The following RASSF5 variants were observed in gnomAD, a reference collection of about 807,000 sequenced individuals.
RASSF5 encodes the protein Ras association domain family member 5.
A neutral mutation model predicts 40.5 loss-of-function variants in RASSF5; 25 were observed. The ratio of observed to expected loss-of-function variants is 0.62; its 90% CI spans 0.45 to 0.86. The LOEUF (loss-of-function observed/expected upper bound fraction) is 0.86. Ranked by LOEUF, RASSF5 falls within the 40% of genes least tolerant of loss-of-function variation. The pLI, the probability that RASSF5 is intolerant of heterozygous loss-of-function variation, is 0.00. For missense variants in RASSF5, 521 were observed against 572.8 expected (o/e 0.91, Z 0.92); for synonymous variants, 246 against 252.4 (o/e 0.97, Z 0.24).
chr1:206,529,601 C>A, intron 1 of RASSF5: 2 of 775,182 alleles, frequency 2.6e-6, no homozygotes, highest in Non-Finnish European at 4.7e-6. Context: ...GATACAATGA[C>A]ATCCACTGTC....
chr1:206,574,138 C>G (rs959084908), intron 2 of RASSF5, among the ~76,000 whole-genome samples: 13 of 152,250 alleles, frequency 8.5e-5, no homozygotes, highest in African/African-American at 2.7e-4. Flanking sequence ...ATAACCCACT[C>G]TAGCTGAGCT....
chr1:206,578,189 G>A (rs1435065057), intron 2 of RASSF5, among the ~76,000 whole-genome samples: 10 of 151,592 alleles, frequency 6.6e-5, no homozygotes, highest in African/African-American at 2.4e-4. Flanking sequence ...TTGCACCAGT[G>A]CACTCTCGAC....
At position 206,577,551 on chromosome 1, in the gene RASSF5, A is replaced by T. The variant is rs560335691; in HGVS notation, c.580-5718A>T. On this transcript the variant is annotated intron_variant, in intron 2 of 5. Transcript: ENST00000579436. ...GAGATTATCTGACTTTCTCAAGATC[A>T]TGTAGTTAGTCATGGGAGTCAGAAG... is the stretch of plus-strand genomic sequence containing the variant. Among the ~76,000 whole-genome samples, 195 of 152,344 alleles carry T rather than the reference A, an allele frequency of 1.3e-3. 1 individual carries two copies. The highest frequency in any genetic ancestry group is 4.5e-3 in the African/African-American group (187 of 41,582).
At chr1:206,518,137 G>A (rs1317244930) in intron 1 of RASSF5, among the ~76,000 whole-genome samples, 2 of 152,184 alleles carry the variant, frequency 1.3e-5, no homozygotes, top group Non-Finnish European at 2.9e-5. Context: ...AGCCTGTTTG[G>A]TGGGGGCATT....
At position 206,538,649 on chromosome 1, in the gene RASSF5, G is replaced by A. The variant is rs187424148; in HGVS notation, c.579+356G>A. ...GGACAGTGGGGATGCTGGGGCTGAG[G>A]CATCTCAAGCACATTGTCCAGCCAG... is the stretch of plus-strand genomic sequence containing the variant. On this transcript the variant is annotated intron_variant, in intron 2 of 5. Coordinates refer to ENST00000579436, the MANE Select transcript of RASSF5 (RefSeq NM_182663.4). Among the ~76,000 whole-genome samples, 1,006 of 152,330 alleles carry A rather than the reference G, an allele frequency of 6.6e-3. 35 individuals are homozygous for A. Among genetic ancestry groups the A allele is most frequent in the Admixed American group, 0.061 (933 of 15,302 alleles).
intron 5 of RASSF5, 142 bp from the exon 6 acceptor site, chr1:206,586,684 T>G: frequency 1.4e-6 from 1 of 693,606 alleles, no homozygotes; most frequent in South Asian, 1.8e-5. Flanking sequence ...GCTTCGCTGA[T>G]TCAGTCTGTT....
chr1:206,539,069 A>T (rs529713811), intron 2 of RASSF5, among the ~76,000 whole-genome samples: 1 of 152,328 alleles, frequency 6.6e-6, no homozygotes, highest in East Asian at 1.9e-4. Flanking sequence ...GCTGGGAGAA[A>T]TCAGGGAAGG....
At chr1:206,537,589 T>C (rs564286822) in intron 1 of RASSF5, among the ~76,000 whole-genome samples, 10 of 152,312 alleles carry the variant, frequency 6.6e-5, no homozygotes, top group African/African-American at 1.9e-4. Context: ...TTTGGGAATA[T>C]GTATGATACC....
intron 1 of RASSF5, among the ~76,000 whole-genome samples, chr1:206,537,175 G>A (rs1422465500): frequency 6.6e-6 from 1 of 152,170 alleles, no homozygotes; most frequent in African/African-American, 2.4e-5. Context: ...TGTGTCATTG[G>A]GCACCTCACT....
At chr1:206,569,983 G>A (rs1668396420) in intron 2 of RASSF5, among the ~76,000 whole-genome samples, 1 of 151,988 alleles carries the variant, frequency 6.6e-6, no homozygotes, top group African/African-American at 2.4e-5. Flanking sequence ...CAACTCTATG[G>A]GAAACAGATA....
At chr1:206,543,460 T>G (rs1667595665) in intron 2 of RASSF5, 1 of 152,220 alleles carries the variant, frequency 6.6e-6, no homozygotes, top group African/African-American at 2.4e-5. Flanking sequence ...CACTTGGATC[T>G]GTATATACTG....
At chr1:206,517,211 C>A (rs1159478506) in intron 1 of RASSF5, among the ~76,000 whole-genome samples, 1 of 152,168 alleles carries the variant, frequency 6.6e-6, no homozygotes, top group African/African-American at 2.4e-5. Context: ...GGAGGCTTCA[C>A]CCCTGTAATC....
chr1:206,587,086 G>A lies in RASSF5; in HGVS notation c.*108G>A. The A allele has an allele frequency of 7.3e-7, 1 of 1,363,524 alleles. No individual in the cohort carries two copies. Among genetic ancestry groups the A allele is most frequent in the East Asian group, 2.5e-5 (1 of 39,534 alleles). The allele number at this position is 1,363,524 out of a possible 1,614,324, so 84.5% of individuals were successfully genotyped here. The stretch of plus-strand genomic sequence containing the variant: ...GGACATCTCTGGCAGGTGCATTTGT[G>A]CCTGCCCAGCAGTTCCAGCTGTGGC... On this transcript the variant is annotated 3_prime_UTR_variant, in exon 6 of 6. Transcript: ENST00000579436.
rs1666483062 is a variant in RASSF5 at position 206,507,629 on chromosome 1, G to A, written c.27G>A (p.Gly9=). The change falls in exon 1 of 6, where the codon GGG becomes GGA. Residue 9 remains glycine (G), a synonymous_variant. Transcript: ENST00000579436. ...TGGCCATGGCGTCCCCGGCCATCGG[G>A]CAGCGCCCGTACCCGCTACTATTGG... is the stretch of plus-strand genomic sequence containing the variant. MAMASPAI[G]QRPYPLLLDP... 6.5e-7 allele frequency: 1 copy of A among 1,527,386 alleles called. No individual in the cohort carries two copies. The highest frequency in any genetic ancestry group is 8.7e-7 in the Non-Finnish European group (1 of 1,144,022). The allele number at this position is 1,527,386 out of a possible 1,614,324, so 94.6% of individuals were successfully genotyped here.
In RASSF5 at chr1:206,523,511, TTATATATTATATATTTTATATATTA is replaced by T. The variant is rs1666973403; in HGVS notation, c.458-14653_458-14629del. ...TATTATATATTATATATTTTATATATTATATATTATATATTTTATATATTATATATATAAATATATATACACTCTA... is the reference window on the plus strand; with the variant it reads ...TATTATATATTATATATTTTATATATTATATATAAATATATATACACTCTA... On this transcript the variant is annotated intron_variant, in intron 1 of 5. Coordinates refer to ENST00000579436, the MANE Select transcript of RASSF5 (RefSeq NM_182663.4). Among the ~76,000 whole-genome samples, 2 of 96,646 alleles carry T rather than the reference TTATATATTATATATTTTATATATTA, an allele frequency of 2.1e-5. 1 individual carries two copies. Among genetic ancestry groups the T allele is most frequent in the Admixed American group, 3.2e-4 (2 of 6,284 alleles). 63.4% of individuals were successfully genotyped at this position (96,646 alleles called of 152,430 possible). A position where few individuals can be genotyped will look rare whatever the true frequency, so the allele number is the denominator to read the frequency against.
intron 2 of RASSF5, among the ~76,000 whole-genome samples, chr1:206,551,470 T>C (rs1444966399): frequency 6.6e-6 from 1 of 152,188 alleles, no homozygotes; most frequent in Non-Finnish European, 1.5e-5. Flanking sequence ...CTGCCACACT[T>C]TAGAAGCCAG....
At chr1:206,521,120 G>A (rs1247265137) in intron 1 of RASSF5, among the ~76,000 whole-genome samples, 5 of 152,176 alleles carry the variant, frequency 3.3e-5, no homozygotes, top group African/African-American at 1.2e-4. Flanking sequence ...ATCTTTAGGA[G>A]CTAAGCAAGC....
rs1207267290 is a variant in RASSF5, at chr1:206,587,155, G to A, written c.*177G>A. Reference sequence around the variant, plus strand: ...CAAGTGTTTGCACGAGGGTTCAGCTGTGCCCGCCCCCAGGCTGTGCCCCAC... The same window carrying A: ...CAAGTGTTTGCACGAGGGTTCAGCTATGCCCGCCCCCAGGCTGTGCCCCAC... On this transcript the variant is annotated 3_prime_UTR_variant, in exon 6 of 6. Transcript: ENST00000579436. The A allele has an allele frequency of 1.7e-5, 12 of 712,208 alleles. No homozygotes were observed. Among genetic ancestry groups the A allele is most frequent in the Non-Finnish European group, 2.1e-5 (9 of 424,458 alleles). 44.1% of individuals were successfully genotyped at this position (712,208 alleles called of 1,614,324 possible).
intron 1 of RASSF5, among the ~76,000 whole-genome samples, chr1:206,536,819 C>G (rs1667425798): frequency 6.7e-6 from 1 of 149,218 alleles, no homozygotes; most frequent in African/African-American, 2.4e-5. Flanking sequence ...TCATGACTTG[C>G]CTTCACAGTC....
Sources: allele counts gnomAD v4.1 joint callset (sites outside exome capture counted in the v4.1 genomes callset), GRCh38; gene constraint gnomAD v4.1.1; transcripts MANE v1.5; gene names NCBI Gene and HGNC (gene_info 2026-07-23, HGNC 2026-07-21).